Variants in KCNH8 observed in about 807,000 individuals in gnomAD.
KCNH8 encodes potassium voltage-gated channel subfamily H member 8, also known as voltage-gated delayed rectifier potassium channel KCNH8.
In KCNH8, 70 loss-of-function variants were observed where a neutral mutation model predicts 103.6. That is an observed-to-expected ratio of 0.68 (90% CI 0.56 to 0.82). The LOEUF is 0.82. Ranked by LOEUF, KCNH8 falls within the 40% of genes least tolerant of loss-of-function variation. The pLI is 0.00. For missense variants in KCNH8, 1,217 were observed against 1,329.9 expected (o/e 0.92, Z 1.32); for synonymous variants, 498 against 489.4 (o/e 1.02, Z -0.23).
intron 1 of KCNH8, among the ~76,000 whole-genome samples, chr3:19,250,981 C>G (rs974975564): frequency 6.6e-6 from 1 of 152,000 alleles, no homozygotes; most frequent in Non-Finnish European, 1.5e-5. Flanking sequence ...GCATTAAAAG[C>G]TTTTTTTAGG....
intron 3 of KCNH8, among the ~76,000 whole-genome samples, chr3:19,332,213 A>T (rs894538679): frequency 2.0e-4 from 30 of 152,074 alleles, no homozygotes; most frequent in Non-Finnish European, 3.2e-4. Flanking sequence ...TCACTACAAA[A>T]ATCTCCCTTT....
At chr3:19,461,883 T>C (rs1212675459) in intron 11 of KCNH8, among the ~76,000 whole-genome samples, 1 of 152,168 alleles carries the variant, frequency 6.6e-6, no homozygotes, top group East Asian at 1.9e-4. Flanking sequence ...GTTCTCATTG[T>C]TCAATTCCTA....
At position 19,148,781 on chromosome 3, in the gene KCNH8, G is replaced by A; in HGVS notation, c.62G>A (p.Arg21His). 5 of 1,614,018 alleles carry A rather than the reference G, an allele frequency of 3.1e-6. 1 individual carries two copies. In the South Asian group the frequency reaches 5.5e-5, roughly 18 times the overall value. ...QNTFLDTIAT[R>H]FDGTHSNFIL... ...ACCTTCCTGGACACCATCGCCACCCGTTTTGACGGAACACGTAAGTCTTAC... is the reference window on the plus strand; with the variant it reads ...ACCTTCCTGGACACCATCGCCACCCATTTTGACGGAACACGTAAGTCTTAC... The change falls in exon 1 of 16, where the codon CGT (arginine) becomes CAT (histidine). Residue 21 changes from arginine (R) to histidine (H), a missense_variant. Around this residue, in one of 3 missense-constraint regions of KCNH8, gnomAD observed 244 missense variants for 256.8 expected, o/e 0.95. Transcript: ENST00000328405.
chr3:19,308,700 CTCTCTCTCTCTCT>C (rs2065165001), intron 3 of KCNH8, among the ~76,000 whole-genome samples: 1 of 79,838 alleles, frequency 1.3e-5, no homozygotes, highest in Non-Finnish European at 2.4e-5. Context: ...CTCTCTCTCT[CTCTCTCTCTCTCT>C]CTCTCCCCCT....
chr3:19,502,799 C>T lies in KCNH8; in HGVS notation c.2041-7564C>T, dbSNP rs1219352682. Among the ~76,000 whole-genome samples, 376 of 148,330 alleles carry T rather than the reference C, an allele frequency of 2.5e-3. 1 individual carries two copies. The highest frequency in any genetic ancestry group is 4.2e-3 in the Non-Finnish European group (280 of 66,642). On this transcript the variant is annotated intron_variant, in intron 11 of 15. Transcript: ENST00000328405. ...ATTCAAGATGGATTAAAGACTTAAA[C>T]GTTAGACCTAAAACCATAAAAACCC...
At chr3:19,435,488 G>C (rs1163381219) in intron 7 of KCNH8, among the ~76,000 whole-genome samples, 1 of 152,184 alleles carries the variant, frequency 6.6e-6, no homozygotes, top group Non-Finnish European at 1.5e-5. Context: ...AGCACAGGTA[G>C]CACTTAATAA....
In KCNH8 at chr3:19,513,304, G is replaced by A. The variant is rs2068818914; in HGVS notation, c.2414G>A (p.Gly805Glu). 5 of 1,599,872 alleles carry A rather than the reference G, an allele frequency of 3.1e-6. No individual in the cohort carries two copies. The highest frequency in any genetic ancestry group is 4.3e-6 in the Non-Finnish European group (5 of 1,174,582). The change falls in exon 13 of 16, where the codon GGA (glycine) becomes GAA (glutamate). Residue 805 changes from glycine to glutamate, a missense_variant. This residue lies in a region of KCNH8 where 558 missense variants were observed against 495.8 expected (regional missense o/e 1.13). Coordinates refer to ENST00000328405, the MANE Select transcript of KCNH8 (RefSeq NM_144633.3). ...CAACTTTCAACTTTGAATAATGCTG[G>A]ACCCCCAGACCTCAGTCCAAGGTAA... Reference protein sequence around the residue: ...KLQLSTLNNAGPPDLSPRIVD... With the variant: ...KLQLSTLNNAEPPDLSPRIVD...
intron 7 of KCNH8, among the ~76,000 whole-genome samples, chr3:19,401,023 T>G (rs1049997350): frequency 6.6e-6 from 1 of 151,992 alleles, no homozygotes; most frequent in Non-Finnish European, 1.5e-5. Flanking sequence ...AATGAAGTTT[T>G]CCAGCCATTA....
At chr3:19,500,960 A>AT (rs1301019869) in intron 11 of KCNH8, among the ~76,000 whole-genome samples, 1 of 152,176 alleles carries the variant, frequency 6.6e-6, no homozygotes, top group Non-Finnish European at 1.5e-5. Flanking sequence ...GACACAAAAA[A>AT]CCCTTCAAAA....
chr3:19,488,143 T>C (rs866036003), intron 11 of KCNH8, among the ~76,000 whole-genome samples: 10 of 152,226 alleles, frequency 6.6e-5, no homozygotes, highest in South Asian at 2.1e-4. Context: ...AGGTCTTTTG[T>C]TCTGAATCAC....
In KCNH8 at chr3:19,513,129, G is replaced by T; in HGVS notation, c.2239G>T (p.Ala747Ser). 6.2e-7 allele frequency: 1 copy of T among 1,613,894 alleles called. No individual in the cohort carries two copies. ...SRNKKVGSNK[A>S]YLGLSLKQLA... The stretch of plus-strand genomic sequence containing the variant: ...CAACAAGAAGGTTGGAAGCAATAAA[G>T]CCTACCTGGGCTTAAGCTTAAAGCA... Residue 747 changes from alanine to serine, a missense_variant, in exon 13 of 16, where the codon GCC becomes TCC. Around this residue, in one of 3 missense-constraint regions of KCNH8, gnomAD observed 558 missense variants for 495.8 expected, o/e 1.13. Transcript: ENST00000328405.
chr3:19,295,839 G>A (rs985636071), intron 3 of KCNH8, among the ~76,000 whole-genome samples: 2 of 152,138 alleles, frequency 1.3e-5, no homozygotes, highest in African/African-American at 4.8e-5. Context: ...AAGAGCATAG[G>A]TGCCAATTAT....
chr3:19,350,675 A>C (rs1281723097), intron 5 of KCNH8, among the ~76,000 whole-genome samples: 3 of 152,150 alleles, frequency 2.0e-5, no homozygotes, highest in African/African-American at 7.2e-5. Flanking sequence ...CCTGACTGTT[A>C]GAAGGAAAAC....
At chr3:19,179,032 G>T (rs2063426976) in intron 1 of KCNH8, among the ~76,000 whole-genome samples, 1 of 151,932 alleles carries the variant, frequency 6.6e-6, no homozygotes, top group African/African-American at 2.4e-5. Flanking sequence ...ATAAATATGA[G>T]ATATATTGTT....
chr3:19,232,428 T>C (rs2064006601), intron 1 of KCNH8, among the ~76,000 whole-genome samples: 1 of 152,202 alleles, frequency 6.6e-6, no homozygotes, highest in Non-Finnish European at 1.5e-5. Flanking sequence ...GAGTTTCTAT[T>C]TGCACGTGTT....
intron 4 of KCNH8, 79 bp downstream of exon 4, chr3:19,342,793 A>G (rs2065679185): frequency 2.4e-5 from 33 of 1,375,526 alleles, no homozygotes; most frequent in Non-Finnish European, 3.1e-5. Context: ...AAAGGCCTCA[A>G]TTACCCATTT....
intron 1 of KCNH8, among the ~76,000 whole-genome samples, chr3:19,153,212 T>A (rs976128082): frequency 3.0e-4 from 46 of 152,220 alleles, no homozygotes; most frequent in Admixed American, 1.1e-3. Context: ...ATTGGATTTA[T>A]GTCTTTACCA....
chr3:19,448,836 C>G, intron 8 of KCNH8: 1 of 398,992 alleles, frequency 2.5e-6, no homozygotes, highest in Non-Finnish European at 4.8e-6. Flanking sequence ...CTAATCCTGT[C>G]CCAGAATAAG....
chr3:19,394,389 G>A (rs899409664), intron 6 of KCNH8, among the ~76,000 whole-genome samples: 87 of 151,918 alleles, frequency 5.7e-4, no homozygotes, highest in African/African-American at 2.0e-3. Context: ...CAAGTCTACT[G>A]CTATAGTGGA....
Sources: allele counts gnomAD v4.1 joint callset (sites outside exome capture counted in the v4.1 genomes callset), GRCh38; gene constraint gnomAD v4.1.1; regional missense constraint gnomAD v4.1.1; transcripts MANE v1.5; gene names NCBI Gene and HGNC (gene_info 2026-07-23, HGNC 2026-07-21).